Variants in THSD7B observed in about 807,000 individuals in gnomAD.
THSD7B encodes thrombospondin type-1 domain-containing protein 7B.
THSD7B carries 138 observed loss-of-function variants against 213.6 expected under a neutral mutation model. The observed-to-expected ratio is 0.65, with a 90% CI of 0.56 to 0.74. The LOEUF (loss-of-function observed/expected upper bound fraction) is 0.74, where lower values mean the gene tolerates loss of function less well. Ranked by LOEUF, THSD7B falls within the 30% of genes least tolerant of loss-of-function variation. THSD7B has a pLI of 0.00. For synonymous variants in THSD7B, 742 were observed against 687.0 expected (o/e 1.08, Z -1.25); for missense variants, 1,931 against 1,991.5 (o/e 0.97, Z 0.58).
intron 22 of THSD7B, among the ~76,000 whole-genome samples, chr2:137,656,468 A>G (rs1683238141): frequency 6.6e-6 from 1 of 152,144 alleles, no homozygotes; most frequent in East Asian, 1.9e-4. Context: ...TGATCTTTGA[A>G]CACTGAGTTA....
intron 12 of THSD7B, among the ~76,000 whole-genome samples, chr2:137,396,365 C>T (rs910856745): frequency 1.3e-4 from 18 of 143,972 alleles, no homozygotes; most frequent in Admixed American, 2.8e-4. Flanking sequence ...TATGTTGTGT[C>T]TTTGTTCTCA....
chr2:136,878,509 GTT>G (rs1334201059), intron 1 of THSD7B, among the ~76,000 whole-genome samples: 1 of 152,080 alleles, frequency 6.6e-6, no homozygotes, highest in African/African-American at 2.4e-5. Flanking sequence ...TTCCACAATG[GTT>G]GAACTAGTTT....
chr2:137,015,666 A>G (rs1490834335), intron 2 of THSD7B, among the ~76,000 whole-genome samples: 1 of 152,220 alleles, frequency 6.6e-6, no homozygotes, highest in Non-Finnish European at 1.5e-5. Flanking sequence ...TTAAAAGAGC[A>G]GAGTCCTCAC....
At chr2:136,900,582 G>A (rs1233995887) in intron 2 of THSD7B, among the ~76,000 whole-genome samples, 1 of 152,118 alleles carries the variant, frequency 6.6e-6, no homozygotes, top group Non-Finnish European at 1.5e-5. Flanking sequence ...AGACCAAAAA[G>A]GGATCTGTTT....
chr2:137,398,100 C>A (rs1234600327), intron 12 of THSD7B, among the ~76,000 whole-genome samples: 83 of 141,272 alleles, frequency 5.9e-4, no homozygotes, highest in Non-Finnish European at 8.3e-4. Flanking sequence ...AACTTCTTTG[C>A]CTTTGGTTTG....
intron 2 of THSD7B, among the ~76,000 whole-genome samples, chr2:136,912,105 GA>G (rs1424556627): frequency 6.6e-6 from 1 of 152,020 alleles, no homozygotes; most frequent in African/African-American, 2.4e-5. Flanking sequence ...CTAAGGTCAA[GA>G]GTTCTAGACC....
intron 1 of THSD7B, among the ~76,000 whole-genome samples, chr2:136,807,508 C>CTTTTTTTT (rs1314267493): frequency 6.1e-5 from 3 of 49,578 alleles, no homozygotes; most frequent in African/African-American, 2.5e-4. Context: ...CAAAATGTTT[C>CTTTTTTTT]GTTTTTTTTT....
intron 2 of THSD7B, among the ~76,000 whole-genome samples, chr2:136,918,917 A>T (rs891489657): frequency 1.3e-5 from 2 of 152,140 alleles, no homozygotes; most frequent in East Asian, 3.8e-4. Flanking sequence ...CAGCTTCTCT[A>T]CACTGGGAAG....
At chr2:136,807,509 GTT>G (rs777353589) in intron 1 of THSD7B, among the ~76,000 whole-genome samples, 2 of 104,892 alleles carry the variant, frequency 1.9e-5, no homozygotes, top group Admixed American at 1.1e-4. Flanking sequence ...AAAATGTTTC[GTT>G]TTTTTTTTTT....
At chr2:137,107,614 A>T (rs10172422) in intron 4 of THSD7B, among the ~76,000 whole-genome samples, 10,141 of 152,274 alleles carry the variant, frequency 0.067, 450 homozygotes, top group African/African-American at 0.11. Flanking sequence ...ATTTCAAAGA[A>T]TCTGGAATTG....
chr2:137,283,913 TA>T (rs2104822485), intron 12 of THSD7B, among the ~76,000 whole-genome samples: 1 of 152,282 alleles, frequency 6.6e-6, no homozygotes, highest in African/African-American at 2.4e-5. Flanking sequence ...GCTGGCCTCA[TA>T]AAATGAGTTA....
At chr2:137,514,547 C>T (rs1320207723) in intron 15 of THSD7B, among the ~76,000 whole-genome samples, 1 of 152,090 alleles carries the variant, frequency 6.6e-6, no homozygotes, top group Non-Finnish European at 1.5e-5. Flanking sequence ...ATATATCTAT[C>T]CTATTATTTC....
intron 12 of THSD7B, among the ~76,000 whole-genome samples, chr2:137,380,559 G>A (rs183404461): frequency 5.9e-5 from 9 of 152,340 alleles, no homozygotes; most frequent in Admixed American, 1.3e-4. Context: ...AAAGGGATGT[G>A]AAGACACTCC....
intron 2 of THSD7B, among the ~76,000 whole-genome samples, chr2:136,977,433 G>T (rs950204749): frequency 1.4e-5 from 2 of 147,838 alleles, no homozygotes; most frequent in African/African-American, 5.0e-5. Flanking sequence ...TGATTTTTTT[G>T]AAGACTTTTC....
intron 9 of THSD7B, among the ~76,000 whole-genome samples, chr2:137,240,241 C>T (rs1297993070): frequency 6.6e-6 from 1 of 152,230 alleles, no homozygotes; most frequent in Admixed American, 6.5e-5. Flanking sequence ...CCTGTACTCT[C>T]TGTGACCAGA....
chr2:137,307,888 G>A (rs935727785), intron 12 of THSD7B, among the ~76,000 whole-genome samples: 4 of 151,998 alleles, frequency 2.6e-5, no homozygotes, highest in Non-Finnish European at 5.9e-5. Context: ...TCTGGAGACT[G>A]TCTCTTATAA....
intron 15 of THSD7B, among the ~76,000 whole-genome samples, chr2:137,525,846 C>G (rs917714547): frequency 1.3e-5 from 2 of 152,086 alleles, no homozygotes; most frequent in Non-Finnish European, 2.9e-5. Flanking sequence ...CCCTCTGTTC[C>G]TATCTCTTAA....
chr2:137,655,089 A>G (rs1683209773), intron 21 of THSD7B, among the ~76,000 whole-genome samples: 1 of 152,220 alleles, frequency 6.6e-6, no homozygotes, highest in African/African-American at 2.4e-5. Context: ...TCCATAGAAA[A>G]AAGTACTGAA....
intron 21 of THSD7B, among the ~76,000 whole-genome samples, chr2:137,643,300 A>T (rs986886679): frequency 6.6e-6 from 1 of 152,158 alleles, no homozygotes; most frequent in African/African-American, 2.4e-5. Flanking sequence ...CTAGTAGTTT[A>T]TCCTTAGTTC....
Sources: allele counts gnomAD v4.1 joint callset (sites outside exome capture counted in the v4.1 genomes callset), GRCh38; gene constraint gnomAD v4.1.1; transcripts MANE v1.5; gene names NCBI Gene and HGNC (gene_info 2026-07-23, HGNC 2026-07-21).